MAF: variants seen among roughly 807,000 people sequenced by gnomAD.
MAF encodes MAF bZIP transcription factor.
In MAF, 10 loss-of-function variants were observed where a neutral mutation model predicts 22.0. The ratio of observed to expected loss-of-function variants is 0.45; its 90% CI spans 0.28 to 0.77. The LOEUF is 0.77. MAF is among the 30% of genes least tolerant of loss of function. MAF has a pLI of 0.12. For synonymous variants in MAF, 337 were observed against 255.8 expected (o/e 1.32, Z -3.03); for missense variants, 544 against 548.4 (o/e 0.99, Z 0.08).
chr16:79,517,310 G>T, the MAF span, among the ~76,000 whole-genome samples: 1 of 152,198 alleles, frequency 6.6e-6, no homozygotes, highest in Non-Finnish European at 1.5e-5. Context: ...GGAGACAAAC[G>T]ATTGCCTAAT....
At chr16:79,300,977 G>C in the MAF span, among the ~76,000 whole-genome samples, 6 of 152,074 alleles carry the variant, frequency 3.9e-5, no homozygotes, top group Admixed American at 1.3e-4. Context: ...CAGAGGGGCA[G>C]AAGGGGGAGG....
the MAF span, among the ~76,000 whole-genome samples, chr16:79,530,478 G>A: frequency 6.6e-6 from 1 of 151,922 alleles, no homozygotes; most frequent in African/African-American, 2.4e-5. Context: ...TTTTGTTTTT[G>A]GAAAATGTAT....
At chr16:79,499,581 G>A in the MAF span, among the ~76,000 whole-genome samples, 1 of 152,154 alleles carries the variant, frequency 6.6e-6, no homozygotes, top group African/African-American at 2.4e-5. Flanking sequence ...CATCATGAAT[G>A]GGGTTAGTGC....
the MAF span, among the ~76,000 whole-genome samples, chr16:79,214,689 G>T: frequency 3.0e-5 from 4 of 135,180 alleles, no homozygotes; most frequent in Non-Finnish European, 6.2e-5. Flanking sequence ...ACAGGTGTGA[G>T]CCACTGTGCC....
chr16:79,559,061 G>A, the MAF span, among the ~76,000 whole-genome samples: 3 of 152,118 alleles, frequency 2.0e-5, no homozygotes, highest in African/African-American at 4.8e-5. Context: ...GTGAGCTGTT[G>A]ACATTGATCT....
At chr16:79,218,789 C>G in the MAF span, among the ~76,000 whole-genome samples, 28 of 152,142 alleles carry the variant, frequency 1.8e-4, no homozygotes, top group Non-Finnish European at 3.5e-4. Flanking sequence ...AGAAAAATAC[C>G]AGTCCATCCA....
chr16:79,316,009 G>C, the MAF span, among the ~76,000 whole-genome samples: 1 of 152,186 alleles, frequency 6.6e-6, no homozygotes, highest in African/African-American at 2.4e-5. Context: ...GTCCTTGCAA[G>C]GCAGACCAGC....
chr16:79,362,040 A>C, the MAF span, among the ~76,000 whole-genome samples: 1 of 152,168 alleles, frequency 6.6e-6, no homozygotes, highest in African/African-American at 2.4e-5. Flanking sequence ...CTCTGAAATA[A>C]AACTCTCTGG....
chr16:79,492,968 T>TA, the MAF span, among the ~76,000 whole-genome samples: 1 of 151,726 alleles, frequency 6.6e-6, no homozygotes, highest in African/African-American at 2.4e-5. Context: ...TCTTTTTCTT[T>TA]TTTTTTTGGA....
At chr16:79,541,640 C>T in the MAF span, among the ~76,000 whole-genome samples, 1 of 150,894 alleles carries the variant, frequency 6.6e-6, no homozygotes, top group African/African-American at 2.4e-5. Flanking sequence ...TTGTTACCAG[C>T]TAAGCTACTA....
the MAF span, among the ~76,000 whole-genome samples, chr16:79,337,654 T>A: frequency 6.6e-6 from 1 of 152,132 alleles, no homozygotes; most frequent in African/African-American, 2.4e-5. Context: ...TTTAAACATG[T>A]CAAACATGAT....
At chr16:79,351,730 G>C in the MAF span, among the ~76,000 whole-genome samples, 407 of 152,072 alleles carry the variant, frequency 2.7e-3, 1 homozygote, top group African/African-American at 9.4e-3. Flanking sequence ...ACCCCACTGA[G>C]GTGTGGCAGG....
the MAF span, among the ~76,000 whole-genome samples, chr16:79,552,238 G>C: frequency 6.6e-6 from 1 of 150,748 alleles, no homozygotes; most frequent in Non-Finnish European, 1.5e-5. Flanking sequence ...TTTTCAGTCA[G>C]TGTCTTGCTG....
chr16:79,246,061 G>T, the MAF span, among the ~76,000 whole-genome samples: 1 of 152,150 alleles, frequency 6.6e-6, no homozygotes, highest in African/African-American at 2.4e-5. Context: ...CTGTCAGGGG[G>T]TGAGGGGTTA....
At chr16:79,216,175 G>A in the MAF span, among the ~76,000 whole-genome samples, 1 of 145,148 alleles carries the variant, frequency 6.9e-6, no homozygotes, top group African/African-American at 2.8e-5. Flanking sequence ...TCGTGCACGT[G>A]TATATGTATA....
At chr16:79,325,255 C>T in the MAF span, among the ~76,000 whole-genome samples, 1 of 152,246 alleles carries the variant, frequency 6.6e-6, no homozygotes, top group African/African-American at 2.4e-5. Flanking sequence ...ACAAAGAAAC[C>T]TGATTTGGAA....
rs2143831010 is a variant in MAF, at chr16:79,600,703, A to C, written c.-801T>G. On this transcript the variant is annotated 5_prime_UTR_variant, in exon 1 of 2. Coordinates refer to ENST00000326043, the MANE Select transcript of MAF (RefSeq NM_005360.5). ...AAGCAGCCCGAGCTACAGCTAGAAG[A>C]TGAAAAAAGATTTTAAAGCCTCTGA... The C allele has an allele frequency of 5.1e-6, 1 of 195,376 alleles. No homozygotes were observed. The highest frequency in any genetic ancestry group is 1.2e-5 in the Non-Finnish European group (1 of 84,530). The allele number at this position is 195,376 out of a possible 1,614,324, so 12.1% of individuals were successfully genotyped here.
the MAF span, among the ~76,000 whole-genome samples, chr16:79,415,957 C>G: frequency 6.6e-6 from 1 of 152,052 alleles, no homozygotes; most frequent in African/African-American, 2.4e-5. Flanking sequence ...CTATGAAAAT[C>G]TGAACTTCCT....
chr16:79,344,165 G>A, the MAF span, among the ~76,000 whole-genome samples: 1 of 152,134 alleles, frequency 6.6e-6, no homozygotes, highest in Non-Finnish European at 1.5e-5. Context: ...TGCCTCTCTA[G>A]GAGGGATGAA....
Sources: gnomAD v4.1 joint callset for allele counts (sites outside exome capture counted in the v4.1 genomes callset) on GRCh38, gnomAD v4.1.1 for gene constraint, MANE v1.5 for transcripts, NCBI Gene and HGNC (gene_info 2026-07-23, HGNC 2026-07-21) for gene names.